The following INSL6 variants were observed in gnomAD, a reference collection of about 807,000 sequenced individuals.
The protein encoded by INSL6 is insulin-like peptide INSL6.
In INSL6, 16 loss-of-function variants were observed where a neutral mutation model predicts 9.4. The observed-to-expected ratio is 1.70, with a 90% CI of 1.15 to 2.59. The LOEUF is 2.59. Among genes scored for constraint, INSL6 ranks in the 30% most tolerant of loss-of-function variants. The probability of loss-of-function intolerance (pLI) is 0.00; values close to 1 mark genes in which losing one functional copy is unlikely to be tolerated. For synonymous variants in INSL6, 154 were observed against 96.9 expected (o/e 1.59, Z -3.46); for missense variants, 391 against 257.3 (o/e 1.52, Z -3.56).
the INSL6 span, among the ~76,000 whole-genome samples, chr9:5,105,017 G>A: frequency 6.6e-6 from 1 of 152,160 alleles, no homozygotes; most frequent in African/African-American, 2.4e-5. Flanking sequence ...GATGCCCTCT[G>A]TCACCATTCC....
the INSL6 span, chr9:5,041,907 G>A: frequency 4.2e-5 from 17 of 402,194 alleles, no homozygotes; most frequent in South Asian, 3.2e-4. Flanking sequence ...CAGAGATGGA[G>A]GTGGGCGATG....
intron 2 of INSL6, among the ~76,000 whole-genome samples, chr9:5,148,031 C>G (rs189481567): frequency 3.3e-5 from 5 of 152,264 alleles, no homozygotes; most frequent in African/African-American, 1.2e-4. Flanking sequence ...AATTCCATAT[C>G]TGCCATTTCA....
chr9:5,068,588 A>G, the INSL6 span, among the ~76,000 whole-genome samples: 1 of 152,242 alleles, frequency 6.6e-6, no homozygotes, highest in African/African-American at 2.4e-5. Flanking sequence ...ATGAAGCAGC[A>G]TGGCATTTGC....
chr9:5,160,133 G>A (rs936764558), downstream of INSL6, among the ~76,000 whole-genome samples: 9 of 144,034 alleles, frequency 6.2e-5, no homozygotes, highest in East Asian at 2.0e-4. Flanking sequence ...CTGAGATAGC[G>A]CCATAGCACT....
At chr9:5,044,857 T>G in the INSL6 span, among the ~76,000 whole-genome samples, 1 of 152,170 alleles carries the variant, frequency 6.6e-6, no homozygotes, top group African/African-American at 2.4e-5. Context: ...TTAGTAACAT[T>G]TCTTTATGGT....
At chr9:5,078,452 C>G in the INSL6 span, 1 of 1,608,322 alleles carries the variant, frequency 6.2e-7, no homozygotes, top group Non-Finnish European at 8.5e-7. Context: ...ACAGTAAGTT[C>G]TAGAAGGATT....
At chr9:5,061,186 T>C in the INSL6 span, among the ~76,000 whole-genome samples, 41 of 152,318 alleles carry the variant, frequency 2.7e-4, 2 homozygotes, top group East Asian at 6.8e-3. Flanking sequence ...AGCCCTGGGA[T>C]TTTTGGAATG....
At chr9:5,123,743 G>A (rs1429525448), downstream of INSL6, among the ~76,000 whole-genome samples, 1 of 151,862 alleles carries the variant, frequency 6.6e-6, no homozygotes, top group Non-Finnish European at 1.5e-5. Context: ...TTCCATAGAG[G>A]TTGTACAAAT....
At chr9:5,173,046 G>A (rs781331302) in intron 1 of INSL6, among the ~76,000 whole-genome samples, 1 of 152,028 alleles carries the variant, frequency 6.6e-6, no homozygotes, top group African/African-American at 2.4e-5. Flanking sequence ...TTAGAGAAAT[G>A]CAAATCAAAA....
At chr9:5,029,491 GA>G in the INSL6 span, among the ~76,000 whole-genome samples, 1 of 152,166 alleles carries the variant, frequency 6.6e-6, no homozygotes, top group African/African-American at 2.4e-5. Flanking sequence ...GGTGCTGACA[GA>G]CTTACTAGAT....
chr9:5,171,163 G>T (rs1289442204), intron 1 of INSL6, among the ~76,000 whole-genome samples: 1 of 152,020 alleles, frequency 6.6e-6, no homozygotes, highest in African/African-American at 2.4e-5. Context: ...TCATGTCCAG[G>T]GTGCAAGGGT....
At chr9:5,042,068 C>G in the INSL6 span, 1 of 217,038 alleles carries the variant, frequency 4.6e-6, no homozygotes, top group South Asian at 6.4e-5. Context: ...TCTTGGCCGG[C>G]GGCCCCATCC....
chr9:5,097,068 C>A, the INSL6 span: 3 of 152,144 alleles, frequency 2.0e-5, no homozygotes, highest in Admixed American at 2.0e-4. Context: ...TAGCTGAAAA[C>A]CTAACACATG....
chr9:5,179,494 G>A (rs1219675974), intron 1 of INSL6, among the ~76,000 whole-genome samples: 2 of 152,078 alleles, frequency 1.3e-5, no homozygotes, highest in Non-Finnish European at 2.9e-5. Context: ...CCATTACTGG[G>A]TGTATACCCA....
the INSL6 span, among the ~76,000 whole-genome samples, chr9:4,995,684 G>A: frequency 6.6e-6 from 1 of 152,106 alleles, no homozygotes; most frequent in Non-Finnish European, 1.5e-5. Flanking sequence ...ATATTTATTA[G>A]CATATGGGAG....
chr9:5,123,162 C>A, downstream of INSL6: 1 of 1,354,212 alleles, frequency 7.4e-7, no homozygotes, highest in Non-Finnish European at 1.0e-6. Context: ...TTTGTTTGTT[C>A]GTTTGATTTT....
chr9:5,055,712 G>T, the INSL6 span: 9 of 1,593,578 alleles, frequency 5.6e-6, no homozygotes, highest in Admixed American at 1.7e-5. Context: ...ATTGATGTCA[G>T]TATTAAGCAA....
chr9:5,028,672 C>T, the INSL6 span, among the ~76,000 whole-genome samples: 1 of 152,190 alleles, frequency 6.6e-6, no homozygotes, highest in African/African-American at 2.4e-5. Flanking sequence ...GGATAACTTG[C>T]TGCATCCTCT....
chr9:5,092,477 C>G, the INSL6 span, among the ~76,000 whole-genome samples: 1 of 152,072 alleles, frequency 6.6e-6, no homozygotes, highest in African/African-American at 2.4e-5. Context: ...TCACTTTGAG[C>G]CAACCCTAGC....
Sources: allele counts gnomAD v4.1 joint callset (sites outside exome capture counted in the v4.1 genomes callset), GRCh38; gene constraint gnomAD v4.1.1; transcripts MANE v1.5; gene names NCBI Gene and HGNC (gene_info 2026-07-23, HGNC 2026-07-21).